The following VPS13B variants were observed in gnomAD, a reference collection of about 807,000 sequenced individuals.
VPS13B encodes vacuolar protein sorting 13 homolog B.
A neutral mutation model predicts 426.4 loss-of-function variants in VPS13B; 285 were observed. The ratio of observed to expected loss-of-function variants is 0.67; its 90% CI spans 0.61 to 0.74. The LOEUF is 0.74. VPS13B is among the 30% of genes least tolerant of loss of function. The pLI is 0.00. For synonymous variants in VPS13B, 1,676 were observed against 1,676.4 expected, an observed-to-expected ratio of 1.00 and a Z score of 0.01; for missense variants, 4,537 against 4,782.6, an observed-to-expected ratio of 0.95 and a Z score of 1.51.
At chr8:99,304,485 T>TG in intron 19 of VPS13B, among the ~76,000 whole-genome samples, 1 of 152,142 alleles carries the variant, frequency 6.6e-6, no homozygotes, top group Non-Finnish European at 1.5e-5. Flanking sequence ...TCTTGGATAA[T>TG]GCCAGTCAAT....
chr8:99,322,871 A>G (rs1810053496), intron 19 of VPS13B, among the ~76,000 whole-genome samples: 1 of 152,234 alleles, frequency 6.6e-6, no homozygotes, highest in African/African-American at 2.4e-5. Flanking sequence ...TACTTCCTTG[A>G]TAATTCTTTC....
intron 19 of VPS13B, among the ~76,000 whole-genome samples, chr8:99,314,502 C>T (rs1821198880): frequency 6.6e-6 from 1 of 152,176 alleles, no homozygotes; most frequent in African/African-American, 2.4e-5. Context: ...TGATTTGTCT[C>T]ATGCTGAGAG....
chr8:99,474,425 A>G (rs1410656852), intron 24 of VPS13B, among the ~76,000 whole-genome samples: 4 of 151,798 alleles, frequency 2.6e-5, no homozygotes, highest in Non-Finnish European at 5.9e-5. Context: ...AATTTCAAGC[A>G]ATCCACCTGC....
At chr8:99,715,814 A>T (rs897254027) in intron 36 of VPS13B, among the ~76,000 whole-genome samples, 3 of 152,186 alleles carry the variant, frequency 2.0e-5, no homozygotes, top group Non-Finnish European at 2.9e-5. Context: ...TGATGAATAG[A>T]TATATTTCAT....
chr8:99,555,580 C>A (rs1824515860), intron 30 of VPS13B, among the ~76,000 whole-genome samples: 1 of 152,078 alleles, frequency 6.6e-6, no homozygotes, highest in Admixed American at 6.6e-5. Flanking sequence ...TAAAACTTTT[C>A]TGAACCAACA....
At position 99,876,127 on chromosome 8, in the gene VPS13B, G is replaced by T; in HGVS notation, c.*461G>T. ...AACTCTCTGTTCCATCATAGAATGT[G>T]GCCAGGCCTTACAATGGAGAGCCAG... On this transcript the variant is annotated 3_prime_UTR_variant, in exon 62 of 62. Coordinates refer to ENST00000357162, the MANE Select transcript of VPS13B (RefSeq NM_152564.5). 1.1e-5 allele frequency: 2 copies of T among 184,260 alleles called. No individual in the cohort carries two copies. The highest frequency in any genetic ancestry group is 1.1e-4 in the South Asian group (1 of 8,756). 11.4% of individuals were successfully genotyped at this position (184,260 alleles called of 1,614,324 possible).
intron 56 of VPS13B, among the ~76,000 whole-genome samples, chr8:99,857,200 G>A (rs975262849): frequency 6.6e-6 from 1 of 152,172 alleles, no homozygotes; most frequent in East Asian, 1.9e-4. Context: ...AGGATTCAAG[G>A]GTTCCAACCC....
At chr8:99,094,549 G>A in intron 3 of VPS13B, among the ~76,000 whole-genome samples, 1 of 152,078 alleles carries the variant, frequency 6.6e-6, no homozygotes. Context: ...TGTTGTTTAT[G>A]GTTGCAAGTC....
intron 2 of VPS13B, among the ~76,000 whole-genome samples, chr8:99,032,217 C>G (rs1842537293): frequency 1.3e-5 from 2 of 152,188 alleles, no homozygotes; most frequent in Non-Finnish European, 2.9e-5. Flanking sequence ...TTCATTACTT[C>G]CTGATGAGTT....
At chr8:99,165,104 CAT>C (rs1051864085) in intron 15 of VPS13B, among the ~76,000 whole-genome samples, 8 of 152,110 alleles carry the variant, frequency 5.3e-5, no homozygotes, top group African/African-American at 1.4e-4. Context: ...TTGTTTATAA[CAT>C]GTTTTGAAAT....
chr8:99,065,545 A>G (rs896521971), intron 3 of VPS13B, among the ~76,000 whole-genome samples: 1 of 152,178 alleles, frequency 6.6e-6, no homozygotes, highest in Non-Finnish European at 1.5e-5. Context: ...CACAGCCAAT[A>G]TCATACTGAA....
chr8:99,519,606 G>T (rs1453500861), intron 29 of VPS13B, among the ~76,000 whole-genome samples: 1 of 152,078 alleles, frequency 6.6e-6, no homozygotes, highest in African/African-American at 2.4e-5. Flanking sequence ...TATATACCAT[G>T]GAAGACTATG....
intron 8 of VPS13B, among the ~76,000 whole-genome samples, chr8:99,126,898 A>G (rs923902348): frequency 3.3e-5 from 5 of 152,164 alleles, no homozygotes; most frequent in Non-Finnish European, 7.3e-5. Context: ...ATTCCAGACC[A>G]GCCATGCAAA....
chr8:99,759,702 G>A (rs543535857), intron 39 of VPS13B, among the ~76,000 whole-genome samples: 2 of 152,068 alleles, frequency 1.3e-5, no homozygotes, highest in African/African-American at 4.8e-5. Context: ...CATATACTAC[G>A]TATCAGTCTT....
In VPS13B at chr8:99,810,429, T is replaced by C. The variant is rs1046776400; in HGVS notation, c.8097+899T>C. On this transcript the variant is annotated intron_variant, in intron 44 of 61. Coordinates refer to ENST00000357162, the MANE Select transcript of VPS13B (RefSeq NM_152564.5). ...CTATGGAGCAGCAGGGGCTATTCTGTTGCTGCATGCCAAGGAGGAATCAGG... is the reference window on the plus strand; with the variant it reads ...CTATGGAGCAGCAGGGGCTATTCTGCTGCTGCATGCCAAGGAGGAATCAGG... Among the ~76,000 whole-genome samples the C allele has an allele frequency of 3.3e-5, 5 of 152,246 alleles. No homozygotes were observed. In the East Asian group the frequency reaches 7.7e-4, roughly 23 times the overall value.
At chr8:99,671,957 C>T (rs1830734794) in intron 35 of VPS13B, among the ~76,000 whole-genome samples, 1 of 152,110 alleles carries the variant, frequency 6.6e-6, no homozygotes. Context: ...TTTCTGGGTT[C>T]TCTATTCTGT....
chr8:99,159,241 G>A (rs185960508), intron 15 of VPS13B, among the ~76,000 whole-genome samples: 227 of 152,312 alleles, frequency 1.5e-3, no homozygotes, highest in African/African-American at 5.0e-3. Flanking sequence ...AGGAGGAGTT[G>A]CTTCTTATGG....
At chr8:99,147,276 T>C (rs1200520000) in intron 13 of VPS13B, among the ~76,000 whole-genome samples, 4 of 152,168 alleles carry the variant, frequency 2.6e-5, no homozygotes, top group African/African-American at 9.7e-5. Context: ...CATGCCCAGC[T>C]AATTTTTGCA....
At chr8:99,202,518 G>C (rs554980914) in intron 17 of VPS13B, among the ~76,000 whole-genome samples, 1 of 152,216 alleles carries the variant, frequency 6.6e-6, no homozygotes, top group East Asian at 1.9e-4. Flanking sequence ...TCCATGAATA[G>C]ACCCAATAAC....
Sources: allele counts gnomAD v4.1 joint callset (sites outside exome capture counted in the v4.1 genomes callset), GRCh38; gene constraint gnomAD v4.1.1; transcripts MANE v1.5; gene names NCBI Gene and HGNC (gene_info 2026-07-23, HGNC 2026-07-21).